RAI14: variants seen among roughly 807,000 people sequenced by gnomAD.
The protein encoded by RAI14 is retinoic acid induced 14, also known as ankycorbin.
Under a neutral mutation model 115.4 loss-of-function variants are expected in RAI14, and 45 were observed. The ratio of observed to expected loss-of-function variants is 0.39; its 90% CI spans 0.31 to 0.50. The LOEUF is 0.50. RAI14 is among the 20% of genes least tolerant of loss of function. The probability of loss-of-function intolerance (pLI) is 0.85; values close to 1 mark genes in which losing one functional copy is unlikely to be tolerated. For missense variants in RAI14, 939 were observed against 1,131.2 expected (o/e 0.83, Z 2.44); for synonymous variants, 371 against 415.4 (o/e 0.89, Z 1.30).
chr5:34,810,607 G>A (rs189274608), intron 7 of RAI14, among the ~76,000 whole-genome samples: 3 of 152,302 alleles, frequency 2.0e-5, no homozygotes, highest in Non-Finnish European at 4.4e-5. Flanking sequence ...CTGGGAATAA[G>A]CTGCCTACAG....
intron 2 of RAI14, among the ~76,000 whole-genome samples, chr5:34,747,699 T>C (rs935561197): frequency 1.3e-5 from 2 of 152,236 alleles, no homozygotes; most frequent in African/African-American, 4.8e-5. Flanking sequence ...ATGGTGGGTC[T>C]TTAAAATTAT....
At chr5:34,811,241 T>C (rs987632809) in intron 8 of RAI14, 123 bp downstream of exon 8, 8 of 1,136,822 alleles carry the variant, frequency 7.0e-6, no homozygotes, top group Admixed American at 2.3e-5. Flanking sequence ...TCTTACCTTT[T>C]TAAAGTTCTA....
At position 34,796,064 on chromosome 5, in the gene RAI14, C is replaced by T. The variant is rs767815157; in HGVS notation, c.256+37C>T. On this transcript the variant is annotated intron_variant, in intron 4 of 17. Transcript: ENST00000265109. ...TTAGTCTCTTAAGTCAGCAGGCCAG[C>T]ACCAGATTAGGTATCAAAAAGTAAT... 8 of 1,504,758 alleles carry T rather than the reference C, an allele frequency of 5.3e-6. No individual in the cohort carries two copies. The South Asian group carries it at 9.1e-5, about 17-fold the overall frequency. 93.2% of individuals were successfully genotyped at this position (1,504,758 alleles called of 1,614,324 possible). A position where few individuals can be genotyped will look rare whatever the true frequency, so the allele number is the denominator to read the frequency against.
chr5:34,659,678 A>G (rs1376592922), intron 1 of RAI14, among the ~76,000 whole-genome samples: 1 of 152,176 alleles, frequency 6.6e-6, no homozygotes, highest in Non-Finnish European at 1.5e-5. Flanking sequence ...TCTTGTGCAC[A>G]CATTTTTCTG....
rs1235118444 is a variant in RAI14 at position 34,823,690 on chromosome 5, A to C, written c.1848A>C (p.Lys616Asn). 1 of 1,614,152 alleles carries C rather than the reference A, an allele frequency of 6.2e-7. No homozygotes were observed. Among genetic ancestry groups the C allele is most frequent in the Admixed American group, 1.7e-5 (1 of 60,018 alleles). Residue 616 changes from lysine to asparagine, a missense_variant, in exon 15 of 18, where the codon AAA becomes AAC. Coordinates refer to ENST00000265109, the MANE Select transcript of RAI14 (RefSeq NM_015577.3). The surrounding 1 kb of genome is among the most constrained non-coding windows in gnomAD (Gnocchi z 4.5). ...TCATGAAATTAAAAGACACACTAAAAAGTCAGATGACACAGGAAGCCAGTG... is the reference window on the plus strand; with the variant it reads ...TCATGAAATTAAAAGACACACTAAACAGTCAGATGACACAGGAAGCCAGTG... ...EEIMKLKDTL[K>N]SQMTQEASDE...
chr5:34,723,253 A>T (rs1461621955), intron 2 of RAI14, among the ~76,000 whole-genome samples: 1 of 152,110 alleles, frequency 6.6e-6, no homozygotes, highest in Admixed American at 6.5e-5. Context: ...ATGTTTATTT[A>T]TCTATAGAGA....
chr5:34,792,240 T>TTC (rs1220675971), intron 3 of RAI14, among the ~76,000 whole-genome samples: 4 of 146,810 alleles, frequency 2.7e-5, no homozygotes, highest in Admixed American at 1.3e-4. Flanking sequence ...TTTTTCTTTT[T>TTC]TTTTTTTTTT....
intron 2 of RAI14, among the ~76,000 whole-genome samples, chr5:34,707,995 G>A (rs1740910225): frequency 6.6e-6 from 1 of 152,150 alleles, no homozygotes; most frequent in South Asian, 2.1e-4. Context: ...AAGGAAGGAA[G>A]TGAAAGTCTA....
intron 3 of RAI14, among the ~76,000 whole-genome samples, chr5:34,788,244 G>A (rs925935725): frequency 6.6e-6 from 1 of 152,004 alleles, no homozygotes; most frequent in African/African-American, 2.4e-5. Flanking sequence ...GGTTTGGATA[G>A]ATAATTCATA....
At chr5:34,761,881 G>A (rs905782400) in intron 3 of RAI14, among the ~76,000 whole-genome samples, 12 of 152,116 alleles carry the variant, frequency 7.9e-5, no homozygotes, top group African/African-American at 2.9e-4. Context: ...TCCTGCCTCA[G>A]CCTCCTGAGT....
At chr5:34,810,876 A>G (rs1755501644) in intron 7 of RAI14, 136 bp from the exon 8 acceptor site, 1 of 1,340,270 alleles carries the variant, frequency 7.5e-7, no homozygotes, top group African/African-American at 1.4e-5. Context: ...GGTACAGAAT[A>G]TCAGGTTGGA....
At chr5:34,687,950 C>A in intron 2 of RAI14, 1 of 998,626 alleles carries the variant, frequency 1.0e-6, no homozygotes, top group Non-Finnish European at 1.4e-6. Flanking sequence ...AACTTACTGC[C>A]CTGATAAAAC....
intron 3 of RAI14, among the ~76,000 whole-genome samples, chr5:34,763,226 G>T (rs1313931541): frequency 6.6e-6 from 1 of 152,078 alleles, no homozygotes; most frequent in Non-Finnish European, 1.5e-5. Flanking sequence ...GTTCAGTCTT[G>T]GAAATCGAGT....
intron 2 of RAI14, among the ~76,000 whole-genome samples, chr5:34,689,138 C>T (rs1158141894): frequency 1.3e-5 from 2 of 152,156 alleles, no homozygotes; most frequent in Non-Finnish European, 1.5e-5. Flanking sequence ...CACGGTGGCT[C>T]ACTCCTGTAA....
At chr5:34,758,457 A>G (rs1323824817) in intron 3 of RAI14, among the ~76,000 whole-genome samples, 1 of 152,248 alleles carries the variant, frequency 6.6e-6, no homozygotes, top group African/African-American at 2.4e-5. Context: ...CACACATACA[A>G]TGCAAGTAAT....
At position 34,814,660 on chromosome 5, in the gene RAI14, A is replaced by G. The variant is rs1478422156; in HGVS notation, c.930A>G (p.Pro310=). The part of the protein sequence containing the change: ...SGKESVFFAE[P]PFKAEISSIR... ...AGGAATCGGTATTTTTTGCTGAACC[A>G]CCCTTCAAGGTATTTCCTTTCTGTA... is the stretch of plus-strand genomic sequence containing the variant. The change falls in exon 12 of 18, where the codon CCA becomes CCG. Residue 310 remains proline, a synonymous_variant. Coordinates refer to ENST00000265109, the MANE Select transcript of RAI14 (RefSeq NM_015577.3). 1 of 1,606,758 alleles carries G rather than the reference A, an allele frequency of 6.2e-7. No individual in the cohort carries two copies. Among genetic ancestry groups the G allele is most frequent in the Non-Finnish European group, 8.5e-7 (1 of 1,173,444 alleles).
At position 34,831,649 on chromosome 5, in the gene RAI14, G is replaced by C. The variant is rs975727232; in HGVS notation, c.*884G>C. 8 of 152,180 alleles carry C rather than the reference G, an allele frequency of 5.3e-5. No homozygotes were observed. The highest frequency in any genetic ancestry group is 1.3e-4 in the Admixed American group (2 of 15,268). The allele number at this position is 152,180 out of a possible 1,614,324, so 9.4% of individuals were successfully genotyped here. A position where few individuals can be genotyped will look rare whatever the true frequency, so the allele number is the denominator to read the frequency against. ...GGCTCATAAAGATGTTTTCATATCT[G>C]AACTCCTAAATAAGTGAAATTACAG... On this transcript the variant is annotated 3_prime_UTR_variant, in exon 18 of 18. Coordinates refer to ENST00000265109, the MANE Select transcript of RAI14 (RefSeq NM_015577.3).
In RAI14 at chr5:34,823,032, C is replaced by T. The variant is rs1466388409; in HGVS notation, c.1190C>T (p.Ser397Phe). The T allele has an allele frequency of 6.2e-7, 1 of 1,613,808 alleles. No homozygotes were observed. The highest frequency in any genetic ancestry group is 8.5e-7 in the Non-Finnish European group (1 of 1,179,886). ...YHSTQTDLGP[S>F]LGKPGETSPP... ...TCCACCCAAACTGACTTGGGCCCAT[C>T]CCTGGGAAAACCTGGTGAAACCTCT... Residue 397 changes from serine (S) to phenylalanine (F), a missense_variant, in exon 15 of 18, where the codon TCC (serine) becomes TTC (phenylalanine). Transcript: ENST00000265109. This position sits in a 1 kb window ranked among gnomAD's most constrained non-coding sequence, Gnocchi z 4.5.
intron 1 of RAI14, among the ~76,000 whole-genome samples, chr5:34,668,751 A>G (rs1466424827): frequency 6.6e-6 from 1 of 152,098 alleles, no homozygotes; most frequent in African/African-American, 2.4e-5. Context: ...TATACTTACC[A>G]TCCAAGATTT....
Sources: gnomAD v4.1 joint callset for allele counts (sites outside exome capture counted in the v4.1 genomes callset) on GRCh38, gnomAD v4.1.1 for gene constraint, Gnocchi (gnomAD v3.1) non-coding constraint, MANE v1.5 for transcripts, NCBI Gene and HGNC (gene_info 2026-07-23, HGNC 2026-07-21) for gene names.